Variants in SETX observed in about 807,000 individuals in gnomAD.
The protein encoded by SETX is senataxin.
In SETX, 90 loss-of-function variants were observed where a neutral mutation model predicts 227.2. The ratio of observed to expected loss-of-function variants is 0.40; its 90% CI spans 0.33 to 0.47. SETX has a LOEUF of 0.47. Among genes scored for constraint, SETX ranks in the 20% least tolerant of loss-of-function variants. The pLI, the probability that SETX is intolerant of heterozygous loss-of-function variation, is 0.91. For missense variants in SETX, 3,052 were observed against 3,181.5 expected, an observed-to-expected ratio of 0.96 and a Z score of 0.98; for synonymous variants, 1,210 against 1,113.2, an observed-to-expected ratio of 1.09 and a Z score of -1.73.
intron 6 of SETX, among the ~76,000 whole-genome samples, chr9:132,335,215 C>T (rs1275748403): frequency 1.3e-5 from 2 of 151,282 alleles, no homozygotes; most frequent in Admixed American, 6.6e-5. Flanking sequence ...ATGGTGAAAC[C>T]CCGTCTCTAC....
chr9:132,321,453 G>A (rs1318342044), intron 10 of SETX, among the ~76,000 whole-genome samples: 4 of 152,002 alleles, frequency 2.6e-5, no homozygotes, highest in African/African-American at 9.7e-5. Context: ...TCAGGAGATC[G>A]AGACCATCCT....
intron 7 of SETX, among the ~76,000 whole-genome samples, 171 bp downstream of exon 7, chr9:132,334,437 T>A: frequency 6.6e-6 from 1 of 152,160 alleles, no homozygotes; most frequent in Non-Finnish European, 1.5e-5. Flanking sequence ...AACAAGAGTA[T>A]GACTTCGTAT....
chr9:132,338,090 C>CTTTTT (rs71376637), intron 5 of SETX, among the ~76,000 whole-genome samples: 2 of 126,514 alleles, frequency 1.6e-5, no homozygotes, highest in Non-Finnish European at 1.6e-5. Flanking sequence ...GAGGAACACT[C>CTTTTT]TTTTTTTTTT....
intron 11 of SETX, among the ~76,000 whole-genome samples, chr9:132,306,036 A>G (rs2131331599): frequency 6.6e-6 from 1 of 152,270 alleles, no homozygotes; most frequent in East Asian, 1.9e-4. Flanking sequence ...TAAAAAATCA[A>G]TTCCTCCAAA....
intron 15 of SETX, among the ~76,000 whole-genome samples, chr9:132,295,651 G>A (rs190308069): frequency 7.9e-5 from 12 of 152,296 alleles, no homozygotes; most frequent in Non-Finnish European, 8.8e-5. Flanking sequence ...TCACTAGGCC[G>A]TGTGTCTCCT....
At chr9:132,311,479 CA>C (rs939304989) in intron 11 of SETX, among the ~76,000 whole-genome samples, 10 of 152,088 alleles carry the variant, frequency 6.6e-5, no homozygotes, top group African/African-American at 2.2e-4. Context: ...GCAACACCCC[CA>C]CCAAATCCCT....
rs1318709540 is a variant in SETX, at chr9:132,329,758, T to G, written c.1840A>C (p.Ile614Leu). 6.2e-7 allele frequency: 1 copy of G among 1,614,112 alleles called. No homozygotes were observed. Among genetic ancestry groups the G allele is most frequent in the Non-Finnish European group, 8.5e-7 (1 of 1,179,996 alleles). ...TCTTTATTATAAGATGCAGGAGAGATTTTACATGCAGAAGTCAGATCCACA... is the reference window on the plus strand; with the variant it reads ...TCTTTATTATAAGATGCAGGAGAGAGTTTACATGCAGAAGTCAGATCCACA... ...TFVDLTSACK[I>L]SPASYNKEES... Residue 614 changes from isoleucine (I) to leucine (L), a missense_variant, in exon 10 of 26, where the codon ATC becomes CTC. By Grantham distance (5) the Ile-to-Leu change is conservative. Around this residue, in one of 10 missense-constraint regions of SETX, gnomAD observed 1,483 missense variants for 1,312.0 expected, o/e 1.13. Coordinates refer to ENST00000224140, the MANE Select transcript of SETX (RefSeq NM_015046.7).
Position 132,264,858 on chromosome 9 carries a change from C to G in SETX, c.7415G>C (p.Ser2472Thr). 3 of 1,614,180 alleles carry G rather than the reference C, an allele frequency of 1.9e-6. No homozygotes were observed. The highest frequency in any genetic ancestry group is 2.5e-6 in the Non-Finnish European group (3 of 1,180,024). Residue 2472 changes from serine to threonine, a missense_variant, in exon 26 of 26, where the codon AGT becomes ACT. Physicochemically the swap from Ser to Thr is moderately conservative, Grantham distance 58. Around this residue, in one of 10 missense-constraint regions of SETX, gnomAD observed 294 missense variants for 278.8 expected, o/e 1.05. Transcript: ENST00000224140. ...GGCTATGGTAGGAGGGTGAGTGAGA[C>G]TTCTCTGCAGCACAGGCTTGAGTTT... ...ILKLKPVLQR[S>T]LTHPPTIAPE...
At chr9:132,308,995 A>G (rs1298113568) in intron 11 of SETX, among the ~76,000 whole-genome samples, 1 of 152,076 alleles carries the variant, frequency 6.6e-6, no homozygotes, top group African/African-American at 2.4e-5. Flanking sequence ...AAAATTTGCC[A>G]GGCATAGTGG....
Position 132,339,120 on chromosome 9 carries a change from A to G in SETX, c.499-2605T>C, listed in dbSNP as rs551636151. Among the ~76,000 whole-genome samples the G allele has an allele frequency of 1.2e-3, 187 of 152,306 alleles. 2 individuals are homozygous for G. Among genetic ancestry groups the G allele is most frequent in the Admixed American group, 2.4e-3 (36 of 15,288 alleles). ...TCTTTATGGTATTTTTTGATAAACA[A>G]TAACTTTTCATTTTAATATAGTCAA... is the stretch of plus-strand genomic sequence containing the variant. On this transcript the variant is annotated intron_variant, in intron 5 of 25. Coordinates refer to ENST00000224140, the MANE Select transcript of SETX (RefSeq NM_015046.7).
chr9:132,261,514 A>C lies in SETX; in HGVS notation c.*2725T>G, dbSNP rs1025737225. 23 of 152,524 alleles carry C rather than the reference A, an allele frequency of 1.5e-4. No homozygotes were observed. The highest frequency in any genetic ancestry group is 1.5e-3 in the Admixed American group (23 of 15,292). The allele number at this position is 152,524 out of a possible 1,614,324, so 9.4% of individuals were successfully genotyped here. A position where few individuals can be genotyped will look rare whatever the true frequency, so the allele number is the denominator to read the frequency against. The stretch of plus-strand genomic sequence containing the variant: ...TGTCCATCTTCTTGTTTCTGCTTTT[A>C]ATTCTGCCATTTCCTCTTAAAATTT... On this transcript the variant is annotated 3_prime_UTR_variant, in exon 26 of 26. Transcript: ENST00000224140.
intron 10 of SETX, among the ~76,000 whole-genome samples, chr9:132,312,650 G>C (rs1461480722): frequency 6.6e-6 from 1 of 152,150 alleles, no homozygotes; most frequent in Non-Finnish European, 1.5e-5. Flanking sequence ...TTATGCTATG[G>C]ACAGGGGAAC....
intron 11 of SETX, among the ~76,000 whole-genome samples, chr9:132,305,074 GC>G (rs1845246395): frequency 6.6e-6 from 1 of 151,954 alleles, no homozygotes; most frequent in Non-Finnish European, 1.5e-5. Flanking sequence ...TTTGGGCCAG[GC>G]GCAGTGGCTC....
chr9:132,345,720 C>T (rs187738110), intron 4 of SETX, among the ~76,000 whole-genome samples: 19 of 152,202 alleles, frequency 1.2e-4, no homozygotes, highest in African/African-American at 3.6e-4. Context: ...AAAATTTTCA[C>T]AATAAAATGT....
chr9:132,312,205 G>A (rs1332703349), intron 10 of SETX, among the ~76,000 whole-genome samples: 2 of 152,130 alleles, frequency 1.3e-5, no homozygotes, highest in East Asian at 3.8e-4. Context: ...GGACAGCTCC[G>A]GTAGAATGCT....
intron 8 of SETX, 39 bp downstream of exon 8, chr9:132,331,238 T>C (rs781061157): frequency 8.7e-6 from 14 of 1,612,474 alleles, no homozygotes; most frequent in South Asian, 3.3e-5. Flanking sequence ...CACTTTCTTA[T>C]AGAGATGATG....
At position 132,264,535 on chromosome 9, in the gene SETX, C is replaced by G. The variant is rs370366576; in HGVS notation, c.7738G>C (p.Val2580Leu). 4 of 1,613,866 alleles carry G rather than the reference C, an allele frequency of 2.5e-6. No homozygotes were observed. The highest frequency in any genetic ancestry group is 3.4e-6 in the Non-Finnish European group (4 of 1,179,984). ...PPTGEPGFPV[V>L]HQDLSHIQQP... is the part of the protein sequence containing the mutation. The stretch of plus-strand genomic sequence containing the variant: ...TGTATATGGCTCAGGTCCTGGTGAA[C>G]GACAGGGAAGCCCGGCTCGCCCGTA... The change falls in exon 26 of 26, where the codon GTT (valine) becomes CTT (leucine). Residue 2580 changes from valine to leucine, a missense_variant. Around this residue, in one of 10 missense-constraint regions of SETX, gnomAD observed 294 missense variants for 278.8 expected, o/e 1.05. Transcript: ENST00000224140.
intron 11 of SETX, among the ~76,000 whole-genome samples, chr9:132,304,083 G>A (rs1384328918): frequency 6.6e-6 from 1 of 152,182 alleles, no homozygotes; most frequent in African/African-American, 2.4e-5. Context: ...CCAGGCTGGG[G>A]CAACAGAGCA....
chr9:132,313,006 T>C (rs1845753726), intron 10 of SETX, among the ~76,000 whole-genome samples: 1 of 152,152 alleles, frequency 6.6e-6, no homozygotes, highest in Admixed American at 6.5e-5. Context: ...TATGTACACT[T>C]CTATATACAT....
Sources: gnomAD v4.1 joint callset for allele counts (sites outside exome capture counted in the v4.1 genomes callset) on GRCh38, gnomAD v4.1.1 for gene constraint, gnomAD v4.1.1 regional missense constraint, MANE v1.5 for transcripts, NCBI Gene and HGNC (gene_info 2026-07-23, HGNC 2026-07-21) for gene names.